SPOP: variants seen among roughly 807,000 people sequenced by gnomAD.
The protein encoded by SPOP is speckle-type POZ protein.
A neutral mutation model predicts 45.6 loss-of-function variants in SPOP; 11 were observed. The ratio of observed to expected loss-of-function variants is 0.24; its 90% confidence interval spans 0.15 to 0.40. The LOEUF is 0.40. Ranked by LOEUF, SPOP falls within the 10% of genes least tolerant of loss-of-function variation. The pLI, the probability that SPOP is intolerant of heterozygous loss-of-function variation, is 1.00. For missense variants in SPOP, 152 were observed against 465.6 expected (o/e 0.33, Z 6.20); for synonymous variants, 166 against 166.3 (o/e 1.00, Z 0.01).
At chr17:49,618,124 C>T (rs2072128999) in intron 5 of SPOP, among the ~76,000 whole-genome samples, 1 of 151,988 alleles carries the variant, frequency 6.6e-6, no homozygotes, top group Admixed American at 6.6e-5. Flanking sequence ...ACAACTGTAC[C>T]ATCCCCCATG....
intron 8 of SPOP, among the ~76,000 whole-genome samples, chr17:49,603,025 C>G (rs1028581505): frequency 6.6e-6 from 1 of 152,174 alleles, no homozygotes; most frequent in Admixed American, 6.5e-5. Flanking sequence ...AGGCTATGCA[C>G]AGTCTCCTTA....
chr17:49,673,934 G>A (rs1272237005), intron 1 of SPOP, among the ~76,000 whole-genome samples: 1 of 151,872 alleles, frequency 6.6e-6, no homozygotes, highest in Admixed American at 6.6e-5. Context: ...ATCATCTGAG[G>A]TCAGGAATTC....
chr17:49,659,286 T>C (rs1044534588), intron 1 of SPOP, among the ~76,000 whole-genome samples: 3 of 152,208 alleles, frequency 2.0e-5, no homozygotes, highest in Non-Finnish European at 2.9e-5. Context: ...CTTCCAAAAC[T>C]CAGTGCAATA....
intron 1 of SPOP, among the ~76,000 whole-genome samples, chr17:49,626,657 G>A (rs138795094): frequency 2.3e-4 from 35 of 151,736 alleles, no homozygotes; most frequent in African/African-American, 8.0e-4. Context: ...CCAAGATGTC[G>A]CCATTGCACT....
At chr17:49,605,767 C>T (rs1203853621) in intron 8 of SPOP, among the ~76,000 whole-genome samples, 2 of 151,950 alleles carry the variant, frequency 1.3e-5, no homozygotes, top group African/African-American at 4.8e-5. Context: ...GTGGGCGGAT[C>T]ACTTGAGGTC....
intron 1 of SPOP, among the ~76,000 whole-genome samples, chr17:49,637,494 G>A (rs1235436588): frequency 6.6e-6 from 1 of 152,094 alleles, no homozygotes. Flanking sequence ...GGGATTACAG[G>A]TGCCTGCCAC....
chr17:49,657,911 C>A (rs1242946147), intron 1 of SPOP, among the ~76,000 whole-genome samples: 1 of 151,854 alleles, frequency 6.6e-6, no homozygotes, highest in Non-Finnish European at 1.5e-5. Flanking sequence ...CCATGTTAGC[C>A]AGGATGGTCT....
rs1334428012 is a variant in SPOP at position 49,599,094 on chromosome 17, T to C, written c.*1284A>G. On this transcript the variant is annotated 3_prime_UTR_variant, in exon 10 of 10. Transcript: ENST00000504102. ...GAGATACTCAGGGAGGACAAGAGAC[T>C]GGCAGATGCTGATAGCTCACAAAGA... 2 of 207,546 alleles carry C rather than the reference T, an allele frequency of 9.6e-6. No individual in the cohort carries two copies. Among genetic ancestry groups the C allele is most frequent in the African/African-American group, 4.6e-5 (2 of 43,838 alleles). 12.9% of individuals were successfully genotyped at this position (207,546 alleles called of 1,614,324 possible). A position where few individuals can be genotyped will look rare whatever the true frequency, so the allele number is the denominator to read the frequency against.
chr17:49,622,568 T>C, intron 2 of SPOP, 165 bp downstream of exon 2: 2 of 631,246 alleles, frequency 3.2e-6, no homozygotes, highest in Non-Finnish European at 5.5e-6. Context: ...AGATTCCACA[T>C]GGAAAACTAA....
At chr17:49,621,681 T>C (rs1426569137) in intron 3 of SPOP, among the ~76,000 whole-genome samples, 2 of 152,238 alleles carry the variant, frequency 1.3e-5, no homozygotes, top group East Asian at 3.9e-4. Flanking sequence ...ATGGATATCA[T>C]TTATAACACT....
intron 5 of SPOP, chr17:49,613,009 T>C (rs901011059): frequency 2.0e-5 from 3 of 152,240 alleles, no homozygotes; most frequent in East Asian, 1.9e-4. Flanking sequence ...CTAGCTGTTA[T>C]GGTCTTGGGC....
At chr17:49,665,656 AC>A (rs2073047050) in intron 1 of SPOP, among the ~76,000 whole-genome samples, 1 of 65,782 alleles carries the variant, frequency 1.5e-5, no homozygotes, top group Non-Finnish European at 2.8e-5. Context: ...ACAGACACAC[AC>A]ACACACACAC....
rs2071707698 is a variant in SPOP, at chr17:49,599,862, T to C, written c.*516A>G. The C allele has an allele frequency of 4.5e-6, 1 of 219,888 alleles. No individual in the cohort carries two copies. Among genetic ancestry groups the C allele is most frequent in the African/African-American group, 2.2e-5 (1 of 44,528 alleles). The allele number at this position is 219,888 out of a possible 1,614,324, so 13.6% of individuals were successfully genotyped here. On this transcript the variant is annotated 3_prime_UTR_variant, in exon 10 of 10. Coordinates refer to ENST00000504102, the MANE Select transcript of SPOP (RefSeq NM_001007228.2). ...TGGTGGTAAGGAGTTTTCACAAATA[T>C]CCAAGTTTTAGCACAGTTAGAAGGA...
At chr17:49,621,646 C>G (rs1042506487) in intron 3 of SPOP, among the ~76,000 whole-genome samples, 1 of 152,200 alleles carries the variant, frequency 6.6e-6, no homozygotes, top group Non-Finnish European at 1.5e-5. Flanking sequence ...ACTAGTTTGC[C>G]AAGCAGTCAC....
At chr17:49,671,195 C>T (rs2073131021) in intron 1 of SPOP, among the ~76,000 whole-genome samples, 1 of 151,934 alleles carries the variant, frequency 6.6e-6, no homozygotes, top group Non-Finnish European at 1.5e-5. Context: ...GACACAGAAG[C>T]GAGTCAAACA....
intron 5 of SPOP, among the ~76,000 whole-genome samples, chr17:49,618,327 T>C (rs892142310): frequency 6.6e-6 from 1 of 152,204 alleles, no homozygotes; most frequent in Admixed American, 6.5e-5. Flanking sequence ...AAGAAACCAC[T>C]TTCCAACTCA....
rs183445137 is a variant in SPOP, at chr17:49,627,061, G to A, written c.-66-4185C>T. 3.7e-4 allele frequency among the ~76,000 whole-genome samples: 56 copies of A among 152,306 alleles called. 1 individual carries two copies. Among genetic ancestry groups the A allele is most frequent in the Admixed American group, 3.2e-3 (49 of 15,298 alleles). Reference sequence around the variant, plus strand: ...AGACAGGGTTTCACCATGTTAGCCAGGATGGTCTCGATCTCCTGACCTCGT... The same window carrying A: ...AGACAGGGTTTCACCATGTTAGCCAAGATGGTCTCGATCTCCTGACCTCGT... On this transcript the variant is annotated intron_variant, in intron 1 of 9. Coordinates refer to ENST00000504102, the MANE Select transcript of SPOP (RefSeq NM_001007228.2).
At position 49,645,066 on chromosome 17, in the gene SPOP, T is replaced by C. The variant is rs74253684; in HGVS notation, c.-66-22190A>G. Among the ~76,000 whole-genome samples, 80 of 152,182 alleles carry C rather than the reference T, an allele frequency of 5.3e-4. No homozygotes were observed. In the East Asian group the frequency reaches 0.013, roughly 24 times the overall value. On this transcript the variant is annotated intron_variant, in intron 1 of 9. Coordinates refer to ENST00000504102, the MANE Select transcript of SPOP (RefSeq NM_001007228.2). ...AAAGATTGCTTAATGACTTGTGATA[T>C]AGGAAAAAAAGCTAAATAGCTCAAA...
intron 5 of SPOP, among the ~76,000 whole-genome samples, chr17:49,611,722 A>G (rs557015490): frequency 6.6e-6 from 1 of 152,126 alleles, no homozygotes; most frequent in South Asian, 2.1e-4. Context: ...AATAAGCTTC[A>G]CCTCCCTTGG....
Sources: gnomAD v4.1 joint callset for allele counts (sites outside exome capture counted in the v4.1 genomes callset) on GRCh38, gnomAD v4.1.1 for gene constraint, MANE v1.5 for transcripts, NCBI Gene and HGNC (gene_info 2026-07-23, HGNC 2026-07-21) for gene names.